The following PDZRN3 variants were observed in gnomAD, a reference collection of about 807,000 sequenced individuals.
PDZRN3 encodes the protein E3 ubiquitin-protein ligase PDZRN3.
In PDZRN3, 38 loss-of-function variants were observed where a neutral mutation model predicts 85.7. That is an observed-to-expected ratio of 0.44 (90% CI 0.34 to 0.58). PDZRN3 has a LOEUF of 0.58. Among genes scored for constraint, PDZRN3 ranks in the 20% least tolerant of loss-of-function variants. PDZRN3 has a pLI of 0.01. For missense variants in PDZRN3, 1,629 were observed against 1,506.4 expected, an observed-to-expected ratio of 1.08 and a Z score of -1.35; for synonymous variants, 759 against 638.0, an observed-to-expected ratio of 1.19 and a Z score of -2.86.
At chr3:73,586,385 A>T (rs1702277398) in intron 3 of PDZRN3, among the ~76,000 whole-genome samples, 1 of 152,198 alleles carries the variant, frequency 6.6e-6, no homozygotes, top group Admixed American at 6.5e-5. Context: ...CTAATGTTAG[A>T]CTGCCTGCAG....
chr3:73,458,754 G>C (rs181578320), intron 3 of PDZRN3, among the ~76,000 whole-genome samples: 6 of 151,838 alleles, frequency 4.0e-5, no homozygotes, highest in Non-Finnish European at 5.9e-5. Flanking sequence ...CACTTTGGGA[G>C]GCTGAGACAG....
intron 3 of PDZRN3, among the ~76,000 whole-genome samples, chr3:73,581,413 A>C (rs1244111560): frequency 6.6e-6 from 1 of 152,216 alleles, no homozygotes; most frequent in African/African-American, 2.4e-5. Flanking sequence ...TTAGTTATTT[A>C]TATTTTAAGA....
chr3:73,598,962 T>C (rs947555303), intron 3 of PDZRN3, among the ~76,000 whole-genome samples: 2 of 152,186 alleles, frequency 1.3e-5, no homozygotes, highest in Admixed American at 6.5e-5. Context: ...GTGCCAGAGA[T>C]GACACGAAGA....
chr3:73,593,707 TATACACACACAC>T (rs1374637618), intron 3 of PDZRN3, among the ~76,000 whole-genome samples: 1 of 100,900 alleles, frequency 9.9e-6, no homozygotes, highest in African/African-American at 3.6e-5. Flanking sequence ...CCGAAATAAA[TATACACACACAC>T]ACACACACAC....
chr3:73,545,109 T>C (rs926503324), intron 3 of PDZRN3, among the ~76,000 whole-genome samples: 15 of 152,240 alleles, frequency 9.9e-5, no homozygotes, highest in South Asian at 4.1e-4. Flanking sequence ...ACAAAAATCA[T>C]TGCTAACCTT....
At chr3:73,490,174 C>T (rs1325249994) in intron 3 of PDZRN3, among the ~76,000 whole-genome samples, 7 of 152,188 alleles carry the variant, frequency 4.6e-5, no homozygotes, top group African/African-American at 1.4e-4. Flanking sequence ...TGGTGGGGCA[C>T]ACCTCTCCCT....
chr3:73,595,172 C>T (rs1273649180), intron 3 of PDZRN3, among the ~76,000 whole-genome samples: 1 of 152,182 alleles, frequency 6.6e-6, no homozygotes, highest in Non-Finnish European at 1.5e-5. Context: ...GAGTTGGAGT[C>T]CATTACTAAT....
chr3:73,588,195 G>GT (rs1284360811), intron 3 of PDZRN3, among the ~76,000 whole-genome samples: 1 of 152,060 alleles, frequency 6.6e-6, no homozygotes, highest in Non-Finnish European at 1.5e-5. Context: ...TTGGTTTTCT[G>GT]TTCCTGTGTT....
intron 2 of PDZRN3, among the ~76,000 whole-genome samples, chr3:73,605,857 A>C (rs141249204): frequency 6.6e-6 from 1 of 152,268 alleles, no homozygotes; most frequent in Non-Finnish European, 1.5e-5. Context: ...TTGCAAAAAG[A>C]CCACATAAAT....
intron 3 of PDZRN3, among the ~76,000 whole-genome samples, chr3:73,588,798 T>C (rs1199734700): frequency 6.6e-6 from 1 of 152,246 alleles, no homozygotes; most frequent in African/African-American, 2.4e-5. Flanking sequence ...GTTGAGCATT[T>C]AGCAAAACAG....
intron 3 of PDZRN3, among the ~76,000 whole-genome samples, chr3:73,578,060 A>T (rs1464517187): frequency 6.6e-6 from 1 of 151,812 alleles, no homozygotes; most frequent in African/African-American, 2.4e-5. Context: ...CTCTTCTCAT[A>T]TCCTTGAAAA....
chr3:73,529,421 T>A (rs1704602658), intron 3 of PDZRN3, among the ~76,000 whole-genome samples: 1 of 152,196 alleles, frequency 6.6e-6, no homozygotes, highest in Admixed American at 6.5e-5. Flanking sequence ...TACATGTTCT[T>A]CACTGCCCAC....
At chr3:73,553,062 T>G (rs1225410065) in intron 3 of PDZRN3, among the ~76,000 whole-genome samples, 1 of 152,160 alleles carries the variant, frequency 6.6e-6, no homozygotes, top group Non-Finnish European at 1.5e-5. Context: ...TAATTAAAGG[T>G]TAAAGTAGAG....
intron 3 of PDZRN3, among the ~76,000 whole-genome samples, chr3:73,551,688 C>T (rs913085789): frequency 3.8e-5 from 4 of 104,582 alleles, no homozygotes; most frequent in South Asian, 3.2e-4. Flanking sequence ...GACCCTGTTT[C>T]AAAAAAAAAA....
At chr3:73,436,927 T>C (rs917675604) in intron 3 of PDZRN3, among the ~76,000 whole-genome samples, 3 of 151,610 alleles carry the variant, frequency 2.0e-5, no homozygotes, top group Non-Finnish European at 2.9e-5. Context: ...ACACCTGTAG[T>C]CCCAGGTACT....
chr3:73,477,211 G>C (rs1406936474), intron 3 of PDZRN3, among the ~76,000 whole-genome samples: 1 of 152,074 alleles, frequency 6.6e-6, no homozygotes, highest in Non-Finnish European at 1.5e-5. Flanking sequence ...GCACACAGTA[G>C]GCACTAATTA....
At position 73,383,005 on chromosome 3, in the gene PDZRN3, G is replaced by T; in HGVS notation, c.*360C>A. On this transcript the variant is annotated 3_prime_UTR_variant, in exon 10 of 10. Transcript: ENST00000263666. ...ATTTGTGTTTTAGGCAGGAAAAAAA[G>T]CGTGTTTAACTTTTTTATATGAATA... 5.7e-6 allele frequency: 1 copy of T among 176,484 alleles called. No homozygotes were observed. The highest frequency in any genetic ancestry group is 1.2e-5 in the Non-Finnish European group (1 of 83,272). The allele number at this position is 176,484 out of a possible 1,614,324, so 10.9% of individuals were successfully genotyped here.
At chr3:73,597,431 A>G (rs1702445989) in intron 3 of PDZRN3, among the ~76,000 whole-genome samples, 1 of 152,232 alleles carries the variant, frequency 6.6e-6, no homozygotes, top group South Asian at 2.1e-4. Flanking sequence ...AGATGAATGC[A>G]TATTTACAGA....
chr3:73,560,295 A>AT (rs1391683338), intron 3 of PDZRN3, among the ~76,000 whole-genome samples: 8 of 152,188 alleles, frequency 5.3e-5, no homozygotes, highest in African/African-American at 1.9e-4. Context: ...ACTTACCATT[A>AT]TTACTGTCCC....
Sources: gnomAD v4.1 joint callset for allele counts (sites outside exome capture counted in the v4.1 genomes callset) on GRCh38, gnomAD v4.1.1 for gene constraint, MANE v1.5 for transcripts, NCBI Gene and HGNC (gene_info 2026-07-23, HGNC 2026-07-21) for gene names.